The following ZSCAN16 variants were observed in gnomAD, a reference collection of about 807,000 sequenced individuals.
ZSCAN16 encodes zinc finger and SCAN domain-containing protein 16.
Under a neutral mutation model 19.4 loss-of-function variants are expected in ZSCAN16, and 15 were observed. That is an observed-to-expected ratio of 0.77 (90% CI 0.52 to 1.19). ZSCAN16 has a LOEUF of 1.19. Ranked by LOEUF, ZSCAN16 falls within the 50% of genes most tolerant of loss-of-function variation. The probability of loss-of-function intolerance (pLI) is 0.00; values close to 1 mark genes in which losing one functional copy is unlikely to be tolerated. For missense variants in ZSCAN16, 327 were observed against 415.7 expected (o/e 0.79, Z 1.86); for synonymous variants, 138 against 146.5 (o/e 0.94, Z 0.42).
intron 2 of ZSCAN16, among the ~76,000 whole-genome samples, chr6:28,126,198 G>A (rs1274717331): frequency 6.6e-6 from 1 of 152,018 alleles, no homozygotes; most frequent in Non-Finnish European, 1.5e-5. Context: ...CAAGGATATT[G>A]CAGAATAGGA....
At chr6:28,127,659 CA>C (rs1467921975) in intron 3 of ZSCAN16, among the ~76,000 whole-genome samples, 2 of 152,172 alleles carry the variant, frequency 1.3e-5, no homozygotes, top group Non-Finnish European at 2.9e-5. Flanking sequence ...AATGATCAGT[CA>C]ATACAGCAAA....
chr6:28,129,753 A>ACGGAGT lies in ZSCAN16; in HGVS notation c.850_851insCGGAGT (p.Arg284delinsThrGluTer). 1 of 1,614,168 alleles carries ACGGAGT rather than the reference A, an allele frequency of 6.2e-7. No individual in the cohort carries two copies. The highest frequency in any genetic ancestry group is 8.5e-7 in the Non-Finnish European group (1 of 1,179,998). ...GCGCTCACATCTCATTGGACATCAT[A>ACGGAGT]GAGTACACACGGGAGTAAAACCCTA... On this transcript the variant is annotated stop_gained and protein_altering_variant, in exon 4 of 4. Transcript: ENST00000340487. LOFTEE classifies it low-confidence loss of function (END_TRUNC).
At chr6:28,129,333 T>C (rs1305243694) in intron 3 of ZSCAN16, 97 bp from the exon 4 acceptor site, 33 of 1,434,996 alleles carry the variant, frequency 2.3e-5, no homozygotes, top group Non-Finnish European at 3.0e-5. Context: ...CATTATTTTA[T>C]AACACATTTA....
In ZSCAN16 at chr6:28,125,798, C is replaced by A; in HGVS notation, c.355C>A (p.Leu119Met). The change falls in exon 2 of 4, where the codon CTG becomes ATG. Residue 119 changes from leucine to methionine, a missense_variant. By Grantham distance (15) the Leu-to-Met change is conservative. Coordinates refer to ENST00000340487, the MANE Select transcript of ZSCAN16 (RefSeq NM_025231.3). This position sits in a 1 kb window ranked among gnomAD's most constrained non-coding sequence, Gnocchi z 6.2. ...GEEAVTVLED[L>M]ERELDEPGKQ... ...GGAGGCAGTGACGGTACTGGAGGAT[C>A]TGGAGAGAGAGCTTGATGAACCTGG... 2 of 1,611,600 alleles carry A rather than the reference C, an allele frequency of 1.2e-6. No homozygotes were observed. Among genetic ancestry groups the A allele is most frequent in the Non-Finnish European group, 1.7e-6 (2 of 1,178,714 alleles).
rs898275022 is a variant in ZSCAN16 at position 28,130,036 on chromosome 6, A to G, written c.*86A>G. ...ATTTTAGAAACCTTGAGTTTCCTCAATGTGGTCAAAGCTTCAGTCATCATT... is the reference window on the plus strand; with the variant it reads ...ATTTTAGAAACCTTGAGTTTCCTCAGTGTGGTCAAAGCTTCAGTCATCATT... On this transcript the variant is annotated 3_prime_UTR_variant, in exon 4 of 4. Coordinates refer to ENST00000340487, the MANE Select transcript of ZSCAN16 (RefSeq NM_025231.3). 6.0e-5 allele frequency: 66 copies of G among 1,107,750 alleles called. No homozygotes were observed. Among genetic ancestry groups the G allele is most frequent in the Non-Finnish European group, 7.3e-5 (57 of 786,076 alleles). 68.6% of individuals were successfully genotyped at this position (1,107,750 alleles called of 1,614,324 possible).
At position 28,129,632 on chromosome 6, in the gene ZSCAN16, A is replaced by G. The variant is rs750204745; in HGVS notation, c.729A>G (p.Lys243=). 18 of 1,614,106 alleles carry G rather than the reference A, an allele frequency of 1.1e-5. No homozygotes were observed. Among genetic ancestry groups the G allele is most frequent in the Non-Finnish European group, 1.4e-5 (16 of 1,180,046 alleles). Residue 243 remains lysine (K), a synonymous_variant, in exon 4 of 4, where the codon AAA becomes AAG. Transcript: ENST00000340487. The part of the protein sequence containing the change: ...RRRYKCDECG[K]SFSHSSDLSK... ...GATATAAATGTGATGAATGTGGGAA[A>G]AGTTTCAGTCATAGCTCAGACCTTA...
chr6:28,126,778 C>A lies in ZSCAN16; in HGVS notation c.388-5C>A. 1 of 1,432,624 alleles carries A rather than the reference C, an allele frequency of 7.0e-7. No individual in the cohort carries two copies. The allele number at this position is 1,432,624 out of a possible 1,614,324, so 88.7% of individuals were successfully genotyped here. On this transcript the variant is annotated splice_region_variant and splice_polypyrimidine_tract_variant and intron_variant, in intron 2 of 3. Transcript: ENST00000340487. ...AATTCACCTTACACACCTCATTTTCCCTAGGTCCCAGGCAATTCAGAAAGA... is the reference window on the plus strand; with the variant it reads ...AATTCACCTTACACACCTCATTTTCACTAGGTCCCAGGCAATTCAGAAAGA...
intron 3 of ZSCAN16, among the ~76,000 whole-genome samples, chr6:28,128,873 T>G (rs1414129455): frequency 6.6e-6 from 1 of 152,222 alleles, no homozygotes. Flanking sequence ...ACCTGCATGT[T>G]GTCATGCTTC....
rs749600654 is a variant in ZSCAN16, at chr6:28,125,537, T to G, written c.94T>G (p.Cys32Gly). 2 of 1,614,164 alleles carry G rather than the reference T, an allele frequency of 1.2e-6. No homozygotes were observed. The highest frequency in any genetic ancestry group is 1.7e-6 in the Non-Finnish European group (2 of 1,180,016). Residue 32 changes from cysteine (C) to glycine (G), a missense_variant, in exon 2 of 4, where the codon TGC (cysteine) becomes GGC (glycine). Transcript: ENST00000340487. The surrounding 1 kb of genome is among the most constrained non-coding windows in gnomAD (Gnocchi z 6.2). ...GGGACAGGATTCCAGCTCACAAAAG[T>G]GCAGTCCTCACAGGAGGGAACTCTA... ...YWGQDSSSQK[C>G]SPHRRELYRQ... is the part of the protein sequence containing the mutation.
chr6:28,129,618 G>C lies in ZSCAN16; in HGVS notation c.715G>C (p.Asp239His). ...QQRERRRYKCDECGKSFSHSS... is the reference protein window; with the variant it reads ...QQRERRRYKCHECGKSFSHSS... Reference sequence around the variant, plus strand: ...GAGGGAAAGAAGACGATATAAATGTGATGAATGTGGGAAAAGTTTCAGTCA... The same window carrying C: ...GAGGGAAAGAAGACGATATAAATGTCATGAATGTGGGAAAAGTTTCAGTCA... The change falls in exon 4 of 4, where the codon GAT (aspartate) becomes CAT (histidine). Residue 239 changes from aspartate (D) to histidine (H), a missense_variant. Coordinates refer to ENST00000340487, the MANE Select transcript of ZSCAN16 (RefSeq NM_025231.3). 6.2e-7 allele frequency: 1 copy of C among 1,614,184 alleles called. No homozygotes were observed. Among genetic ancestry groups the C allele is most frequent in the Non-Finnish European group, 8.5e-7 (1 of 1,180,028 alleles).
chr6:28,128,386 T>G (rs1764962300), intron 3 of ZSCAN16, among the ~76,000 whole-genome samples: 1 of 152,140 alleles, frequency 6.6e-6, no homozygotes, highest in Non-Finnish European at 1.5e-5. Context: ...GACACTTACA[T>G]TACTTCTCTT....
chr6:28,125,746 G>A lies in ZSCAN16; in HGVS notation c.303G>A (p.Val101=). The A allele has an allele frequency of 1.2e-6, 2 of 1,614,218 alleles. No homozygotes were observed. Among genetic ancestry groups the A allele is most frequent in the South Asian group, 2.2e-5 (2 of 91,076 alleles). Residue 101 remains valine, a synonymous_variant, in exon 2 of 4, where the codon GTG becomes GTA. Coordinates refer to ENST00000340487, the MANE Select transcript of ZSCAN16 (RefSeq NM_025231.3). This position sits in a 1 kb window ranked among gnomAD's most constrained non-coding sequence, Gnocchi z 6.2. ...TTCCTAAAGACCTGCAAGCATGGGT[G>A]CGTGCACACCATCCAGAGACTGGAG... The part of the protein sequence containing the change: ...SILPKDLQAW[V]RAHHPETGEE...
chr6:28,125,543 C>T lies in ZSCAN16; in HGVS notation c.100C>T (p.Pro34Ser), dbSNP rs1178809405. ...GGATTCCAGCTCACAAAAGTGCAGT[C>T]CTCACAGGAGGGAACTCTATAGACA... is the stretch of plus-strand genomic sequence containing the variant. ...GQDSSSQKCS[P>S]HRRELYRQHF... is the part of the protein sequence containing the mutation. Residue 34 changes from proline to serine, a missense_variant, in exon 2 of 4, where the codon CCT (proline) becomes TCT (serine). Pro to Ser is a moderately conservative substitution (Grantham distance 74). Transcript: ENST00000340487. The surrounding 1 kb of genome is among the most constrained non-coding windows in gnomAD (Gnocchi z 6.2). 1 of 1,614,214 alleles carries T rather than the reference C, an allele frequency of 6.2e-7. No individual in the cohort carries two copies. The highest frequency in any genetic ancestry group is 1.7e-5 in the Admixed American group (1 of 60,026).
chr6:28,125,801 G>C lies in ZSCAN16; in HGVS notation c.358G>C (p.Glu120Gln). ...GGCAGTGACGGTACTGGAGGATCTG[G>C]AGAGAGAGCTTGATGAACCTGGAAA... ...EEAVTVLEDL[E>Q]RELDEPGKQV... The change falls in exon 2 of 4, where the codon GAG becomes CAG. Residue 120 changes from glutamate to glutamine, a missense_variant. Physicochemically the swap from Glu to Gln is conservative, Grantham distance 29. Transcript: ENST00000340487. The surrounding 1 kb of genome is among the most constrained non-coding windows in gnomAD (Gnocchi z 6.2). 1 of 1,611,136 alleles carries C rather than the reference G, an allele frequency of 6.2e-7. No homozygotes were observed. Among genetic ancestry groups the C allele is most frequent in the Non-Finnish European group, 8.5e-7 (1 of 1,178,482 alleles).
rs1355922166 is a variant in ZSCAN16 at position 28,129,502 on chromosome 6, G to A, written c.599G>A (p.Gly200Glu). The A allele has an allele frequency of 6.2e-7, 1 of 1,614,034 alleles. No homozygotes were observed. Among genetic ancestry groups the A allele is most frequent in the Admixed American group, 1.7e-5 (1 of 60,000 alleles). Residue 200 changes from glycine to glutamate, a missense_variant, in exon 4 of 4, where the codon GGG (glycine) becomes GAG (glutamate). By Grantham distance (98) the Gly-to-Glu change is moderately conservative. Transcript: ENST00000340487. ...ATGCCCAAAGACAAGGAATTCCTTG[G>A]GGAGATAAATGACAGACTGAACAAA... ...EDMPKDKEFL[G>E]EINDRLNKDT...
rs1436348377 is a variant in ZSCAN16 at position 28,125,024 on chromosome 6, C to G, written c.-32+347C>G. Among the ~76,000 whole-genome samples, 5 of 152,176 alleles carry G rather than the reference C, an allele frequency of 3.3e-5. No individual in the cohort carries two copies. ...TAACAAAGCCGTTAATAATACTTGG[C>G]GTTTATTTAGTGCTTACTAGTGCCC... On this transcript the variant is annotated intron_variant, in intron 1 of 3. Transcript: ENST00000340487. The surrounding 1 kb of genome is among the most constrained non-coding windows in gnomAD (Gnocchi z 6.2).
chr6:28,127,278 A>T (rs1764932314), intron 3 of ZSCAN16, among the ~76,000 whole-genome samples: 1 of 152,174 alleles, frequency 6.6e-6, no homozygotes, highest in Non-Finnish European at 1.5e-5. Context: ...AATACCATGG[A>T]CTTATGGGTG....
chr6:28,126,888 C>T lies in ZSCAN16; in HGVS notation c.493C>T (p.Leu165=). Residue 165 remains leucine (L), a synonymous_variant, in exon 3 of 4, where the codon CTG becomes TTG. Coordinates refer to ENST00000340487, the MANE Select transcript of ZSCAN16 (RefSeq NM_025231.3). ...TVQLHPKKTQ[L]EQEAGKPQRN... is the part of the protein sequence containing the mutation. The stretch of plus-strand genomic sequence containing the variant: ...CCAGCTCCATCCCAAAAAGACCCAG[C>T]TGGAGCAGGAAGCTGGGAAACCACA... 6.3e-7 allele frequency: 1 copy of T among 1,581,712 alleles called. No homozygotes were observed. The highest frequency in any genetic ancestry group is 8.6e-7 in the Non-Finnish European group (1 of 1,158,834).
At chr6:28,129,212 T>C (rs576557364) in intron 3 of ZSCAN16, among the ~76,000 whole-genome samples, 1 of 152,350 alleles carries the variant, frequency 6.6e-6, no homozygotes, top group East Asian at 1.9e-4. Flanking sequence ...CTTGTTCTGC[T>C]GATATCTTCC....
Sources: gnomAD v4.1 joint callset for allele counts (sites outside exome capture counted in the v4.1 genomes callset) on GRCh38, gnomAD v4.1.1 for gene constraint, Gnocchi (gnomAD v3.1) non-coding constraint, MANE v1.5 for transcripts, NCBI Gene and HGNC (gene_info 2026-07-23, HGNC 2026-07-21) for gene names.